The following GFI1B variants were observed in gnomAD, a reference collection of about 807,000 sequenced individuals.
GFI1B encodes the protein zinc finger protein Gfi-1b.
A neutral mutation model predicts 35.3 loss-of-function variants in GFI1B; 20 were observed. The ratio of observed to expected loss-of-function variants is 0.57; its 90% CI spans 0.40 to 0.82. GFI1B has a LOEUF of 0.82. Ranked by LOEUF, GFI1B falls within the 40% of genes least tolerant of loss-of-function variation. The pLI, the probability that GFI1B is intolerant of heterozygous loss-of-function variation, is 0.00. For missense variants in GFI1B, 430 were observed against 446.3 expected (o/e 0.96, Z 0.33); for synonymous variants, 178 against 177.6 (o/e 1.00, Z -0.02).
chr9:132,961,038 G>A (rs1848354071), intron 1 of GFI1B, among the ~76,000 whole-genome samples: 1 of 152,110 alleles, frequency 6.6e-6, no homozygotes, highest in African/African-American at 2.4e-5. Flanking sequence ...AGCATATGCA[G>A]TGACCATTTG....
intron 1 of GFI1B, among the ~76,000 whole-genome samples, chr9:132,954,633 G>T (rs940830349): frequency 2.0e-5 from 3 of 151,592 alleles, no homozygotes; most frequent in Non-Finnish European, 2.9e-5. Context: ...TGTTGTCCAG[G>T]GTGGTCTCAA....
intron 1 of GFI1B, among the ~76,000 whole-genome samples, chr9:132,980,703 CTCTA>C (rs956910579): frequency 1.3e-5 from 2 of 152,148 alleles, no homozygotes; most frequent in African/African-American, 4.8e-5. Flanking sequence ...CTCTGGCAAC[CTCTA>C]TCTATTTCTG....
intron 1 of GFI1B, among the ~76,000 whole-genome samples, chr9:132,982,439 A>C (rs1848860074): frequency 6.6e-6 from 1 of 152,208 alleles, no homozygotes; most frequent in Non-Finnish European, 1.5e-5. Context: ...GCCAGGGTGC[A>C]GGGTCGCCTG....
chr9:132,968,862 A>G (rs541289910), intron 1 of GFI1B, among the ~76,000 whole-genome samples: 36 of 152,288 alleles, frequency 2.4e-4, no homozygotes, highest in Middle Eastern at 6.8e-3. Context: ...GTTCAGTGGC[A>G]TCGGCTTAAG....
chr9:132,987,567 T>C, intron 3 of GFI1B, 148 bp downstream of exon 3: 1 of 911,426 alleles, frequency 1.1e-6, no homozygotes, highest in East Asian at 2.6e-5. Flanking sequence ...TGGCTTCTGC[T>C]TGGGCCTCTC....
rs140610272 is a variant in GFI1B, at chr9:132,967,423, A to C, written c.-700-5302A>C. Reference sequence around the variant, plus strand: ...CTGGCCTGGGCTCTTTTAGGGGGAAAAAATCATTACGAAAAGAAAGGGGCA... The same window carrying C: ...CTGGCCTGGGCTCTTTTAGGGGGAACAAATCATTACGAAAAGAAAGGGGCA... On this transcript the variant is annotated intron_variant, in intron 1 of 10. Coordinates refer to the GFI1B transcript ENST00000339463. Among the ~76,000 whole-genome samples the C allele has an allele frequency of 5.7e-3, 870 of 152,314 alleles. 8 individuals are homozygous for C. The highest frequency in any genetic ancestry group is 0.019 in the African/African-American group (802 of 41,564).
At chr9:132,988,550 C>T in intron 4 of GFI1B, 82 bp downstream of exon 4, 1 of 1,293,934 alleles carries the variant, frequency 7.7e-7, no homozygotes, top group Non-Finnish European at 1.1e-6. Context: ...TGGGCGTTCT[C>T]TGTGCTGTGA....
intron 1 of GFI1B, among the ~76,000 whole-genome samples, chr9:132,948,276 T>C (rs1848152107): frequency 6.6e-6 from 1 of 152,062 alleles, no homozygotes; most frequent in South Asian, 2.1e-4. Context: ...CCTTCCCCCG[T>C]CCTACAGCAA....
chr9:132,965,720 G>C (rs904739522), intron 1 of GFI1B, among the ~76,000 whole-genome samples: 3 of 152,232 alleles, frequency 2.0e-5, no homozygotes, highest in African/African-American at 7.2e-5. Context: ...CACTGGGAGA[G>C]AGGCCTGGGT....
chr9:132,988,001 C>T (rs1204243075), intron 3 of GFI1B, among the ~76,000 whole-genome samples, 196 bp from the exon 4 acceptor site: 4 of 152,118 alleles, frequency 2.6e-5, no homozygotes, highest in African/African-American at 4.8e-5. Context: ...TGAGCCACCA[C>T]GCCTGGCTAA....
intron 6 of GFI1B, 122 bp from the exon 7 acceptor site, chr9:132,990,750 G>T: frequency 2.5e-6 from 2 of 793,806 alleles, no homozygotes; most frequent in Non-Finnish European, 4.3e-6. Flanking sequence ...AATGTGAGTT[G>T]GCCATGAGAG....
intron 1 of GFI1B, among the ~76,000 whole-genome samples, chr9:132,949,497 C>T (rs1349758580): frequency 6.6e-6 from 1 of 152,090 alleles, no homozygotes; most frequent in East Asian, 1.9e-4. Flanking sequence ...TGCAACTTTA[C>T]ACAACTGCAG....
Position 132,946,169 on chromosome 9 carries a change from G to A in GFI1B, c.-701+500G>A, listed in dbSNP as rs566558965. Among the ~76,000 whole-genome samples, 30 of 152,292 alleles carry A rather than the reference G, an allele frequency of 2.0e-4. 1 individual carries two copies. The South Asian group carries it at 2.3e-3, about 12-fold the overall frequency. ...AGAGCCACGAAGGCTTAGGAGGGAGGTGAAAATTGAACTGATGATTCCTCT... is the reference window on the plus strand; with the variant it reads ...AGAGCCACGAAGGCTTAGGAGGGAGATGAAAATTGAACTGATGATTCCTCT... On this transcript the variant is annotated intron_variant, in intron 1 of 10. Coordinates refer to the GFI1B transcript ENST00000339463.
chr9:132,956,530 C>A (rs1160268232), intron 1 of GFI1B, among the ~76,000 whole-genome samples: 2 of 152,232 alleles, frequency 1.3e-5, no homozygotes, highest in Admixed American at 1.3e-4. Flanking sequence ...GGATGCTCTT[C>A]CATCCTTCCC....
intron 1 of GFI1B, among the ~76,000 whole-genome samples, chr9:132,972,396 T>A (rs1848545248): frequency 6.6e-6 from 1 of 152,162 alleles, no homozygotes; most frequent in Admixed American, 6.5e-5. Context: ...CACTCCAGCC[T>A]GGGCAACAGA....
chr9:132,964,774 T>C (rs376291326), intron 1 of GFI1B, among the ~76,000 whole-genome samples: 75 of 115,384 alleles, frequency 6.5e-4, no homozygotes, highest in African/African-American at 1.5e-3. Flanking sequence ...TTTTTTTTGA[T>C]GGAGTTCCAG....
intron 1 of GFI1B, among the ~76,000 whole-genome samples, chr9:132,967,766 A>G (rs912077075): frequency 2.0e-5 from 3 of 151,882 alleles, no homozygotes; most frequent in Admixed American, 2.0e-4. Context: ...GTGTGTGTGT[A>G]TGTGTGTGTA....
chr9:132,946,314 A>C (rs912863066), intron 1 of GFI1B, among the ~76,000 whole-genome samples: 2 of 152,180 alleles, frequency 1.3e-5, no homozygotes, highest in South Asian at 2.1e-4. Flanking sequence ...CACCTGCAAC[A>C]TAGGGCTAAT....
chr9:132,978,935 G>T (rs900145563), intron 1 of GFI1B, 94 bp downstream of exon 1: 1 of 152,262 alleles, frequency 6.6e-6, no homozygotes, highest in Non-Finnish European at 1.5e-5. Context: ...CTCCTCCTGC[G>T]GTCCTAGGAA....
Sources: gnomAD v4.1 joint callset for allele counts (sites outside exome capture counted in the v4.1 genomes callset) on GRCh38, gnomAD v4.1.1 for gene constraint, MANE v1.5 for transcripts, NCBI Gene and HGNC (gene_info 2026-07-23, HGNC 2026-07-21) for gene names.